STXBP6: variants seen among roughly 807,000 people sequenced by gnomAD.
STXBP6 encodes syntaxin binding protein 6.
Under a neutral mutation model 26.9 loss-of-function variants are expected in STXBP6, and 21 were observed. The ratio of observed to expected loss-of-function variants is 0.78; its 90% CI spans 0.55 to 1.12. The LOEUF is 1.12. Among genes scored for constraint, STXBP6 ranks in the 50% most tolerant of loss-of-function variants. The pLI is 0.00. For missense variants in STXBP6, 232 were observed against 257.9 expected, an observed-to-expected ratio of 0.90 and a Z score of 0.69; for synonymous variants, 97 against 92.6, an observed-to-expected ratio of 1.05 and a Z score of -0.27.
chr14:25,042,878 T>C (rs1379848344), intron 1 of STXBP6, among the ~76,000 whole-genome samples: 2 of 152,248 alleles, frequency 1.3e-5, no homozygotes, highest in Non-Finnish European at 2.9e-5. Context: ...AAACCTCATT[T>C]AGTATCATGC....
At chr14:24,922,877 C>T (rs1566478524) in intron 2 of STXBP6, among the ~76,000 whole-genome samples, 1 of 151,940 alleles carries the variant, frequency 6.6e-6, no homozygotes, top group Non-Finnish European at 1.5e-5. Flanking sequence ...CTTATTTATG[C>T]CTCAGATTTG....
chr14:25,033,828 A>G (rs569577157), intron 1 of STXBP6, among the ~76,000 whole-genome samples: 1 of 152,364 alleles, frequency 6.6e-6, no homozygotes, highest in African/African-American at 2.4e-5. Context: ...GATTTTGCTC[A>G]CCATGAAAAT....
intron 2 of STXBP6, among the ~76,000 whole-genome samples, chr14:24,863,662 A>C (rs1354214900): frequency 6.6e-6 from 1 of 152,168 alleles, no homozygotes; most frequent in Non-Finnish European, 1.5e-5. Context: ...TCCTTATTCT[A>C]GCAGCATCTC....
intron 2 of STXBP6, among the ~76,000 whole-genome samples, chr14:24,919,479 T>C (rs2071899712): frequency 6.6e-6 from 1 of 151,392 alleles, no homozygotes; most frequent in South Asian, 2.1e-4. Flanking sequence ...TACAGTTCAT[T>C]ACATCCCTTT....
intron 2 of STXBP6, among the ~76,000 whole-genome samples, chr14:24,931,129 A>AC (rs1275873978): frequency 2.2e-5 from 3 of 135,164 alleles, no homozygotes; most frequent in South Asian, 2.4e-4. Flanking sequence ...AAAAAAAAAA[A>AC]AAAAAAAAAA....
intron 2 of STXBP6, among the ~76,000 whole-genome samples, chr14:24,867,087 T>A (rs1037869354): frequency 2.6e-5 from 4 of 152,122 alleles, no homozygotes; most frequent in Non-Finnish European, 4.4e-5. Flanking sequence ...TGCAACAGTA[T>A]TAAGAGTTGG....
intron 2 of STXBP6, among the ~76,000 whole-genome samples, chr14:24,882,665 C>A (rs536324570): frequency 6.6e-6 from 1 of 152,044 alleles, no homozygotes; most frequent in Non-Finnish European, 1.5e-5. Flanking sequence ...AGTTCACTAC[C>A]CCACCCCTAG....
intron 2 of STXBP6, among the ~76,000 whole-genome samples, chr14:24,934,680 CA>C (rs1245835918): frequency 1.3e-5 from 2 of 151,950 alleles, no homozygotes; most frequent in Admixed American, 1.3e-4. Context: ...AGCATGTTTG[CA>C]GAATAGAATG....
rs542843435 is a variant in STXBP6, at chr14:24,965,743, A to C, written c.154+8922T>G. On this transcript the variant is annotated intron_variant, in intron 2 of 5. Coordinates refer to ENST00000323944, the MANE Select transcript of STXBP6 (RefSeq NM_001394410.1). ...TTACCATAAGTCAGTCTTCTGCCTAACCTGTGTTCTTCTATAACTGGGGTG... is the reference window on the plus strand; with the variant it reads ...TTACCATAAGTCAGTCTTCTGCCTACCCTGTGTTCTTCTATAACTGGGGTG... Among the ~76,000 whole-genome samples, 5 of 152,308 alleles carry C rather than the reference A, an allele frequency of 3.3e-5. No homozygotes were observed. The East Asian group carries it at 9.6e-4, about 29-fold the overall frequency.
At chr14:24,848,176 T>G (rs1339245418) in intron 4 of STXBP6, among the ~76,000 whole-genome samples, 1 of 152,208 alleles carries the variant, frequency 6.6e-6, no homozygotes, top group Non-Finnish European at 1.5e-5. Context: ...TATTTAGGCA[T>G]GTACTGGCAT....
At chr14:24,852,087 C>A (rs936558856) in intron 4 of STXBP6, among the ~76,000 whole-genome samples, 3 of 152,136 alleles carry the variant, frequency 2.0e-5, no homozygotes, top group Non-Finnish European at 2.9e-5. Flanking sequence ...AGAGACCAGA[C>A]CTCTACCTTC....
At chr14:24,847,629 A>C (rs1029803922) in intron 4 of STXBP6, among the ~76,000 whole-genome samples, 1 of 152,190 alleles carries the variant, frequency 6.6e-6, no homozygotes, top group Admixed American at 6.5e-5. Context: ...TAACAATGTT[A>C]AGTAATTTTA....
intron 4 of STXBP6, among the ~76,000 whole-genome samples, chr14:24,844,403 C>T (rs968023513): frequency 2.6e-5 from 4 of 152,340 alleles, no homozygotes; most frequent in East Asian, 1.9e-4. Flanking sequence ...GTAGCCAAGT[C>T]GGACAGACGT....
chr14:24,836,528 G>A, intron 4 of STXBP6, among the ~76,000 whole-genome samples: 1 of 145,930 alleles, frequency 6.9e-6, no homozygotes, highest in South Asian at 2.1e-4. Flanking sequence ...GAACCCAGGG[G>A]GCAGAGGTTT....
intron 2 of STXBP6, among the ~76,000 whole-genome samples, chr14:24,867,437 T>C (rs181275961): frequency 2.0e-5 from 3 of 152,270 alleles, no homozygotes; most frequent in African/African-American, 7.2e-5. Flanking sequence ...GACAATGTAA[T>C]ACTGGCATCA....
chr14:24,836,982 G>T (rs1472370979), intron 4 of STXBP6, among the ~76,000 whole-genome samples: 1 of 152,126 alleles, frequency 6.6e-6, no homozygotes, highest in African/African-American at 2.4e-5. Context: ...TCCTTTTGTG[G>T]ACTAAAAGAC....
At position 24,817,779 on chromosome 14, in the gene STXBP6, G is replaced by T. The variant is rs554486161; in HGVS notation, c.609+1258C>A. 1.6e-3 allele frequency: 452 copies of T among 291,274 alleles called. 1 individual carries two copies. The highest frequency in any genetic ancestry group is 2.5e-3 in the Non-Finnish European group (373 of 149,064). 18.0% of individuals were successfully genotyped at this position (291,274 alleles called of 1,614,324 possible). ...AATCTGAGGCTCTGGCCTCCAGCAG[G>T]GCTGTCTGCATTTTCAGATAGATCT... On this transcript the variant is annotated intron_variant, in intron 5 of 5. Transcript: ENST00000323944.
intron 2 of STXBP6, among the ~76,000 whole-genome samples, chr14:24,961,580 G>T (rs139370153): frequency 1.7e-4 from 26 of 152,206 alleles, no homozygotes; most frequent in African/African-American, 6.3e-4. Flanking sequence ...ACTTATAAGT[G>T]AGAGCTAAAC....
chr14:24,847,925 C>T (rs1226711959), intron 4 of STXBP6, among the ~76,000 whole-genome samples: 1 of 152,114 alleles, frequency 6.6e-6, no homozygotes, highest in Non-Finnish European at 1.5e-5. Flanking sequence ...AATCAGCATT[C>T]TATAAAGCAT....
Sources: gnomAD v4.1 joint callset for allele counts (sites outside exome capture counted in the v4.1 genomes callset) on GRCh38, gnomAD v4.1.1 for gene constraint, MANE v1.5 for transcripts, NCBI Gene and HGNC (gene_info 2026-07-23, HGNC 2026-07-21) for gene names.